Variants in DNTT observed in about 807,000 individuals in gnomAD.
DNTT encodes nucleosidetriphosphate:DNA deoxynucleotidylexotransferase.
DNTT carries 47 observed loss-of-function variants against 60.9 expected under a neutral mutation model. That is an observed-to-expected ratio of 0.77 (90% CI 0.61 to 0.98). The LOEUF (loss-of-function observed/expected upper bound fraction) is 0.98, where lower values mean the gene tolerates loss of function less well. Among genes scored for constraint, DNTT ranks in the 50% least tolerant of loss-of-function variants. DNTT has a pLI of 0.00. For synonymous variants in DNTT, 224 were observed against 221.2 expected, an observed-to-expected ratio of 1.01 and a Z score of -0.11; for missense variants, 665 against 627.5, an observed-to-expected ratio of 1.06 and a Z score of -0.64.
chr10:96,325,472 G>A (rs1844928429), intron 6 of DNTT, among the ~76,000 whole-genome samples: 1 of 152,218 alleles, frequency 6.6e-6, no homozygotes, highest in South Asian at 2.1e-4. Context: ...AATGCTTAGA[G>A]AGAAATTGGG....
At chr10:96,324,218 A>G (rs760952979) in intron 5 of DNTT, 48 bp from the exon 6 acceptor site, 1 of 1,583,768 alleles carries the variant, frequency 6.3e-7, no homozygotes, top group Non-Finnish European at 8.6e-7. Context: ...CTCGGATGTT[A>G]TAATGATTAT....
intron 3 of DNTT, among the ~76,000 whole-genome samples, chr10:96,320,133 T>G (rs2133988511): frequency 6.6e-6 from 1 of 152,336 alleles, no homozygotes; most frequent in South Asian, 2.1e-4. Context: ...CTTCCTCCCC[T>G]GCTAGAAATA....
At chr10:96,324,700 A>G (rs534055000) in intron 6 of DNTT, among the ~76,000 whole-genome samples, 5 of 152,346 alleles carry the variant, frequency 3.3e-5, no homozygotes, top group African/African-American at 4.8e-5. Context: ...GGCGCCCTCC[A>G]CTGTGGCTGT....
Position 96,319,391 on chromosome 10 carries a change from GT to G in DNTT, c.507+2del. 1 of 1,613,482 alleles carries G rather than the reference GT, an allele frequency of 6.2e-7. No individual in the cohort carries two copies. The highest frequency in any genetic ancestry group is 8.5e-7 in the Non-Finnish European group (1 of 1,179,574). On this transcript the variant is annotated splice_donor_variant, in intron 3 of 10. Transcript: ENST00000371174. LOFTEE classifies it high-confidence loss of function. ...AAACAACTGTAACCAGATATTCACG[GT>G]AACGGGACTTTACATCAACACCCAG...
In DNTT at chr10:96,324,373, A is replaced by C. The variant is rs752240240; in HGVS notation, c.858A>C (p.Thr286=). The change falls in exon 6 of 11, where the codon ACA becomes ACC. Residue 286 remains threonine (T), a synonymous_variant. Transcript: ENST00000371174. ...KVRSDKSLKF[T]RMQKAGFLYY... ...GGTCGGACAAAAGCCTGAAATTTAC[A>C]CGAATGCAGAAAGCAGGTAAATTGT... 4.3e-6 allele frequency: 7 copies of C among 1,613,836 alleles called. No homozygotes were observed. In the South Asian group the frequency reaches 7.7e-5, roughly 18 times the overall value.
chr10:96,314,827 A>C (rs2133985648), intron 1 of DNTT, among the ~76,000 whole-genome samples: 1 of 152,184 alleles, frequency 6.6e-6, no homozygotes, highest in East Asian at 1.9e-4. Flanking sequence ...GTAATATTCT[A>C]ATATTGTTAA....
chr10:96,324,305 G>A lies in DNTT; in HGVS notation c.790G>A (p.Glu264Lys), dbSNP rs772749235. The A allele has an allele frequency of 6.2e-7, 1 of 1,613,718 alleles. No individual in the cohort carries two copies. Among genetic ancestry groups the A allele is most frequent in the South Asian group, 1.1e-5 (1 of 91,050 alleles). ...ATTTGGAGTGGGGCTGAAGACTTCT[G>A]AGAAGTGGTTCAGGATGGGTTTCAG... ...SVFGVGLKTS[E>K]KWFRMGFRTL... The change falls in exon 6 of 11, where the codon GAG (glutamate) becomes AAG (lysine). Residue 264 changes from glutamate (E) to lysine (K), a missense_variant. Transcript: ENST00000371174.
chr10:96,328,817 T>C lies in DNTT; in HGVS notation c.1100T>C (p.Leu367Ser). The change falls in exon 8 of 11, where the codon TTA becomes TCA. Residue 367 changes from leucine to serine, a missense_variant. Transcript: ENST00000371174. Reference protein sequence around the residue: ...EEQLLQKVMNLWEKKGLLLYY... With the variant: ...EEQLLQKVMNSWEKKGLLLYY... Reference sequence around the variant, plus strand: ...CAACTTTTACAGAAAGTGATGAACTTATGGGAAAAGAAGGTGAGAAGAAAG... The same window carrying C: ...CAACTTTTACAGAAAGTGATGAACTCATGGGAAAAGAAGGTGAGAAGAAAG... 6.2e-7 allele frequency: 1 copy of C among 1,612,852 alleles called. No homozygotes were observed. Among genetic ancestry groups the C allele is most frequent in the Middle Eastern group, 1.7e-4 (1 of 6,058 alleles).
intron 1 of DNTT, among the ~76,000 whole-genome samples, chr10:96,314,428 T>TTTTTTTTTTTG (rs1844760181): frequency 2.4e-5 from 3 of 126,798 alleles, no homozygotes; most frequent in Non-Finnish European, 4.8e-5. Context: ...TTTTTTTTTT[T>TTTTTTTTTTTG]TTGAGATGGA....
At chr10:96,307,777 A>ATATTTTTT (rs768634575) in intron 1 of DNTT, among the ~76,000 whole-genome samples, 7 of 126,020 alleles carry the variant, frequency 5.6e-5, no homozygotes, top group African/African-American at 2.2e-4. Context: ...ATATATATAT[A>ATATTTTTT]TTTTTTTTTT....
intron 9 of DNTT, among the ~76,000 whole-genome samples, 156 bp downstream of exon 9, chr10:96,332,752 C>T (rs923520719): frequency 6.6e-6 from 1 of 152,210 alleles, no homozygotes. Flanking sequence ...CCTGTCCACA[C>T]ATGGCCAAGT....
intron 1 of DNTT, among the ~76,000 whole-genome samples, chr10:96,315,625 T>C (rs542369620): frequency 7.1e-4 from 108 of 152,110 alleles, no homozygotes; most frequent in Non-Finnish European, 1.3e-3. Flanking sequence ...GAAGAGGCAG[T>C]AGGGGGAGTG....
chr10:96,310,146 G>GCACA (rs1844697066), intron 1 of DNTT, among the ~76,000 whole-genome samples: 1 of 152,124 alleles, frequency 6.6e-6, no homozygotes, highest in African/African-American at 2.4e-5. Flanking sequence ...CCCCTCAGGG[G>GCACA]CACACCCTTC....
intron 10 of DNTT, 111 bp from the exon 11 acceptor site, chr10:96,338,027 G>A (rs1845093820): frequency 3.8e-6 from 3 of 799,200 alleles, no homozygotes; most frequent in African/African-American, 1.7e-5. Flanking sequence ...ATTATGTTTG[G>A]GCTGTAATTC....
rs200431503 is a variant in DNTT, at chr10:96,324,320, A to T, written c.805A>T (p.Met269Leu). 1.1e-4 allele frequency: 171 copies of T among 1,613,516 alleles called. No homozygotes were observed. Among genetic ancestry groups the T allele is most frequent in the Non-Finnish European group, 7.7e-5 (91 of 1,179,656 alleles). Reference protein sequence around the residue: ...GLKTSEKWFRMGFRTLSKVRS... With the variant: ...GLKTSEKWFRLGFRTLSKVRS... ...GAAGACTTCTGAGAAGTGGTTCAGGATGGGTTTCAGAACTCTGAGTAAAGT... is the reference window on the plus strand; with the variant it reads ...GAAGACTTCTGAGAAGTGGTTCAGGTTGGGTTTCAGAACTCTGAGTAAAGT... The change falls in exon 6 of 11, where the codon ATG (methionine) becomes TTG (leucine). Residue 269 changes from methionine to leucine, a missense_variant. Coordinates refer to ENST00000371174, the MANE Select transcript of DNTT (RefSeq NM_004088.4).
At chr10:96,330,885 A>G (rs944634644) in intron 8 of DNTT, among the ~76,000 whole-genome samples, 3 of 152,100 alleles carry the variant, frequency 2.0e-5, no homozygotes, top group Non-Finnish European at 2.9e-5. Flanking sequence ...AGCGCTTTTA[A>G]ACATCTAACC....
rs1023073936 is a variant in DNTT, at chr10:96,324,261, T to G, written c.751-5T>G. 23 of 1,612,226 alleles carry G rather than the reference T, an allele frequency of 1.4e-5. No homozygotes were observed. Among genetic ancestry groups the G allele is most frequent in the Non-Finnish European group, 2.0e-5 (23 of 1,178,646 alleles). The stretch of plus-strand genomic sequence containing the variant: ...ACTGATGGCATGCCTTTCCCTCCAT[T>G]TTAGCTCTTTACTTCTGTATTTGGA... On this transcript the variant is annotated splice_region_variant and splice_polypyrimidine_tract_variant and intron_variant, in intron 5 of 10. Coordinates refer to ENST00000371174, the MANE Select transcript of DNTT (RefSeq NM_004088.4).
Position 96,324,248 on chromosome 10 carries a change from C to G in DNTT, c.751-18C>G. On this transcript the variant is annotated intron_variant, in intron 5 of 10. Transcript: ENST00000371174. Reference sequence around the variant, plus strand: ...GATTATCTTAGAGACTGATGGCATGCCTTTCCCTCCATTTTAGCTCTTTAC... The same window carrying G: ...GATTATCTTAGAGACTGATGGCATGGCTTTCCCTCCATTTTAGCTCTTTAC... 1 of 1,608,510 alleles carries G rather than the reference C, an allele frequency of 6.2e-7. No individual in the cohort carries two copies. Among genetic ancestry groups the G allele is most frequent in the Non-Finnish European group, 8.5e-7 (1 of 1,176,124 alleles).
chr10:96,325,994 C>A (rs1458178719), intron 6 of DNTT, among the ~76,000 whole-genome samples: 1 of 152,182 alleles, frequency 6.6e-6, no homozygotes, highest in African/African-American at 2.4e-5. Flanking sequence ...TGATAAGTTT[C>A]CTGTAATAAG....
Sources: allele counts gnomAD v4.1 joint callset (sites outside exome capture counted in the v4.1 genomes callset), GRCh38; gene constraint gnomAD v4.1.1; transcripts MANE v1.5; gene names NCBI Gene and HGNC (gene_info 2026-07-23, HGNC 2026-07-21).